TMEM108: variants seen among roughly 807,000 people sequenced by gnomAD.
The protein encoded by TMEM108 is transmembrane protein 108.
Under a neutral mutation model 35.1 loss-of-function variants are expected in TMEM108, and 12 were observed. The observed-to-expected ratio is 0.34, with a 90% CI of 0.22 to 0.55. TMEM108 has a LOEUF of 0.55. Ranked by LOEUF, TMEM108 falls within the 20% of genes least tolerant of loss-of-function variation. The pLI is 0.89. For synonymous variants in TMEM108, 287 were observed against 308.6 expected (o/e 0.93, Z 0.73); for missense variants, 680 against 753.3 (o/e 0.90, Z 1.14).
At chr3:133,372,882 T>C (rs973121900) in intron 3 of TMEM108, among the ~76,000 whole-genome samples, 1 of 152,194 alleles carries the variant, frequency 6.6e-6, no homozygotes, top group African/African-American at 2.4e-5. Context: ...CATAAAGAAG[T>C]GAAGTCACAG....
intron 2 of TMEM108, among the ~76,000 whole-genome samples, chr3:133,047,118 A>AG (rs1943349482): frequency 6.6e-6 from 1 of 152,198 alleles, no homozygotes; most frequent in Admixed American, 6.5e-5. Context: ...GATAAAGCAA[A>AG]GAAAGGGCAG....
chr3:133,205,390 T>C (rs1945737604), intron 2 of TMEM108, among the ~76,000 whole-genome samples: 1 of 152,162 alleles, frequency 6.6e-6, no homozygotes, highest in African/African-American at 2.4e-5. Context: ...TGCAGTTTCT[T>C]TGTGGAGTGG....
chr3:133,175,315 A>C (rs905061499), intron 2 of TMEM108, among the ~76,000 whole-genome samples: 3 of 152,212 alleles, frequency 2.0e-5, no homozygotes, highest in Non-Finnish European at 4.4e-5. Context: ...AATTTCAGGA[A>C]ATACAGAGAA....
At chr3:133,056,158 G>A (rs1031915702) in intron 2 of TMEM108, among the ~76,000 whole-genome samples, 1 of 122,790 alleles carries the variant, frequency 8.1e-6, no homozygotes, top group Non-Finnish European at 1.8e-5. Flanking sequence ...CCACCTGGCT[G>A]CAGGACAAGG....
intron 3 of TMEM108, among the ~76,000 whole-genome samples, chr3:133,363,353 G>T (rs1576503466): frequency 2.6e-5 from 4 of 151,960 alleles, no homozygotes; most frequent in Admixed American, 2.6e-4. Context: ...TTCACTCTTA[G>T]AATAGTTTTT....
rs115305751 is a variant in TMEM108, at chr3:133,267,336, G to C, written c.40+37985G>C. On this transcript the variant is annotated intron_variant, in intron 3 of 5. Coordinates refer to ENST00000321871, the MANE Select transcript of TMEM108 (RefSeq NM_023943.4). ...AAATACAAGAATGGAGACATGCCCA[G>C]GGCATCATGGCAGCCCAGCGGAGAG... 9.9e-3 allele frequency among the ~76,000 whole-genome samples: 1,500 copies of C among 152,256 alleles called. 25 individuals are homozygous for C. Among genetic ancestry groups the C allele is most frequent in the African/African-American group, 0.034 (1,423 of 41,526 alleles).
chr3:133,292,428 G>A (rs940368752), intron 3 of TMEM108, among the ~76,000 whole-genome samples: 9 of 152,162 alleles, frequency 5.9e-5, no homozygotes, highest in African/African-American at 9.7e-5. Flanking sequence ...CCAGGGTTTC[G>A]GTTGATCTCA....
intron 3 of TMEM108, among the ~76,000 whole-genome samples, chr3:133,301,736 A>C (rs1947228233): frequency 6.6e-6 from 1 of 152,182 alleles, no homozygotes; most frequent in Admixed American, 6.5e-5. Flanking sequence ...GTACCGACTA[A>C]CTTTATCATT....
chr3:133,089,404 C>G (rs972185328), intron 2 of TMEM108, among the ~76,000 whole-genome samples: 1 of 152,140 alleles, frequency 6.6e-6, no homozygotes, highest in African/African-American at 2.4e-5. Flanking sequence ...AAATTTTACT[C>G]TCATGTCCTT....
rs2071688329 is a variant in TMEM108, at chr3:133,342,544, G to GATATATATATATATATA, written c.41-37208_41-37207insATATATATATATATATA. On this transcript the variant is annotated intron_variant, in intron 3 of 5. Coordinates refer to ENST00000321871, the MANE Select transcript of TMEM108 (RefSeq NM_023943.4). ...TAAAAAAGTTAAAAAAGAAAATGTGGTATATATATATACACACACACACAC... is the reference window on the plus strand; with the variant it reads ...TAAAAAAGTTAAAAAAGAAAATGTGGATATATATATATATATATATATATATATACACACACACACAC... Among the ~76,000 whole-genome samples, 31 of 46,662 alleles carry GATATATATATATATATA rather than the reference G, an allele frequency of 6.6e-4. 1 individual carries two copies. The highest frequency in any genetic ancestry group is 2.5e-3 in the African/African-American group (27 of 10,944). The allele number at this position is 46,662 out of a possible 152,430, so 30.6% of individuals were successfully genotyped here.
chr3:133,371,286 A>G (rs1290664456), intron 3 of TMEM108, among the ~76,000 whole-genome samples: 1 of 152,126 alleles, frequency 6.6e-6, no homozygotes, highest in Non-Finnish European at 1.5e-5. Flanking sequence ...GCTGGGGAGG[A>G]GTCACTTGTC....
chr3:133,136,822 C>G (rs1944570808), intron 2 of TMEM108, among the ~76,000 whole-genome samples: 2 of 152,186 alleles, frequency 1.3e-5, no homozygotes. Flanking sequence ...TGGCAGCATC[C>G]TGATCTGAAA....
At position 133,184,520 on chromosome 3, in the gene TMEM108, AT is replaced by A. The variant is rs576851249; in HGVS notation, c.-46-44738del. Among the ~76,000 whole-genome samples the A allele has an allele frequency of 4.5e-3, 686 of 152,178 alleles. 6 individuals carry two copies. Among genetic ancestry groups the A allele is most frequent in the African/African-American group, 3.8e-3 (158 of 41,526 alleles). ...GAATCTTAGATTTCTACAGTTAAAA[AT>A]TTTTTTTACCATTGCCTTGACACCT... On this transcript the variant is annotated intron_variant, in intron 2 of 5. Coordinates refer to ENST00000321871, the MANE Select transcript of TMEM108 (RefSeq NM_023943.4).
intron 2 of TMEM108, among the ~76,000 whole-genome samples, chr3:133,063,802 G>C (rs539269504): frequency 2.9e-4 from 44 of 152,226 alleles, no homozygotes; most frequent in African/African-American, 9.4e-4. Flanking sequence ...CTTATACAGA[G>C]CACATAGGGC....
chr3:133,122,123 T>A (rs1446676657), intron 2 of TMEM108, among the ~76,000 whole-genome samples: 1 of 152,134 alleles, frequency 6.6e-6, no homozygotes, highest in Non-Finnish European at 1.5e-5. Context: ...TTCTGGGGCT[T>A]ATGATTTCTA....
intron 2 of TMEM108, among the ~76,000 whole-genome samples, chr3:133,180,226 T>C (rs911806673): frequency 6.6e-6 from 1 of 152,180 alleles, no homozygotes. Flanking sequence ...CAAAATGTTC[T>C]GTGGGAATAT....
At chr3:133,070,030 A>G (rs1332876613) in intron 2 of TMEM108, among the ~76,000 whole-genome samples, 2 of 152,172 alleles carry the variant, frequency 1.3e-5, no homozygotes, top group South Asian at 2.1e-4. Flanking sequence ...GCTCAGTACC[A>G]TACATCATAC....
chr3:133,123,960 T>G lies in TMEM108; in HGVS notation c.-47+77940T>G, dbSNP rs1379564197. Among the ~76,000 whole-genome samples, 15 of 152,292 alleles carry G rather than the reference T, an allele frequency of 9.8e-5. 2 individuals are homozygous for G. The East Asian group carries it at 2.9e-3, about 29-fold the overall frequency. On this transcript the variant is annotated intron_variant, in intron 2 of 5. Coordinates refer to ENST00000321871, the MANE Select transcript of TMEM108 (RefSeq NM_023943.4). ...GACTTGATTATCTCACTGGTTGCTT[T>G]TAGGAGAAAGCACCCACTGTTGGCT...
intron 2 of TMEM108, among the ~76,000 whole-genome samples, chr3:133,221,297 A>C (rs564444165): frequency 1.1e-4 from 16 of 152,252 alleles, no homozygotes; most frequent in African/African-American, 3.4e-4. Context: ...TCATTAGAAA[A>C]AAAGATGCTC....
Sources: gnomAD v4.1 joint callset for allele counts (sites outside exome capture counted in the v4.1 genomes callset) on GRCh38, gnomAD v4.1.1 for gene constraint, MANE v1.5 for transcripts, NCBI Gene and HGNC (gene_info 2026-07-23, HGNC 2026-07-21) for gene names.